Variants in DACH2 observed in about 807,000 individuals in gnomAD.
DACH2 encodes the protein dachshund family transcription factor 2.
Under a neutral mutation model 35.8 loss-of-function variants are expected in DACH2, and 17 were observed. That is an observed-to-expected ratio of 0.48 (90% CI 0.33 to 0.71). The LOEUF is 0.71. Among genes scored for constraint, DACH2 ranks in the 30% least tolerant of loss-of-function variants. The probability of loss-of-function intolerance (pLI) is 0.02; values close to 1 mark genes in which losing one functional copy is unlikely to be tolerated. For synonymous variants in DACH2, 195 were observed against 177.3 expected, an observed-to-expected ratio of 1.10 and a Z score of -0.79; for missense variants, 469 against 472.7, an observed-to-expected ratio of 0.99 and a Z score of 0.07.
intron 1 of DACH2, among the ~76,000 whole-genome samples, chrX:86,337,517 A>G (rs1168824239): frequency 9.0e-6 from 1 of 111,669 alleles, no homozygotes; most frequent in African/African-American, 3.3e-5. Context: ...CTTCACAGAC[A>G]AGCAAACACC....
chrX:86,373,946 G>A (rs1455047590), intron 1 of DACH2, among the ~76,000 whole-genome samples: 1 of 110,977 alleles, frequency 9.0e-6, no homozygotes, highest in Non-Finnish European at 1.9e-5. Context: ...CTTCACATCA[G>A]AGGCTGAACA....
intron 7 of DACH2, 24 bp downstream of exon 7, chrX:86,739,906 T>A (rs766634435): frequency 8.6e-7 from 1 of 1,163,905 alleles, no homozygotes; most frequent in Admixed American, 2.6e-5. Flanking sequence ...CTGAAACAGG[T>A]AATTGGAAAA....
At chrX:86,191,567 C>A (rs981851607) in intron 1 of DACH2, among the ~76,000 whole-genome samples, 1 of 110,948 alleles carries the variant, frequency 9.0e-6, no homozygotes, top group Non-Finnish European at 1.9e-5. Flanking sequence ...TACACCAAAC[C>A]CCTGTGACCT....
chrX:86,771,624 GA>G (rs1468554440), intron 7 of DACH2, among the ~76,000 whole-genome samples: 1 of 111,965 alleles, frequency 8.9e-6, no homozygotes, highest in East Asian at 2.8e-4. Context: ...AAGAGTGAAT[GA>G]AGACTGACAC....
chrX:86,737,724 G>T (rs1006389626), intron 6 of DACH2, among the ~76,000 whole-genome samples: 3 of 111,518 alleles, frequency 2.7e-5, no homozygotes, highest in African/African-American at 6.5e-5. Flanking sequence ...CTCCAGAGAA[G>T]AATCTGTTAT....
rs375772459 is a variant in DACH2 at position 86,676,216 on chromosome X, A to T, written c.773-18805A>T. Among the ~76,000 whole-genome samples the T allele has an allele frequency of 2.5e-4, 28 of 112,267 alleles. No homozygotes were observed. The East Asian group carries it at 3.4e-3, about 13-fold the overall frequency. On this transcript the variant is annotated intron_variant, in intron 4 of 11. Transcript: ENST00000373125. ...GGAAATTGTGGGTAAAATAGCAGAT[A>T]TTTAGCTGAAGAATAACCTTTTCTA...
intron 3 of DACH2, among the ~76,000 whole-genome samples, chrX:86,543,900 G>T (rs1323045009): frequency 7.5e-5 from 8 of 106,898 alleles, no homozygotes; most frequent in Non-Finnish European, 3.9e-5. Flanking sequence ...ACGAGTTAGT[G>T]GGTGCAGCGC....
intron 7 of DACH2, among the ~76,000 whole-genome samples, chrX:86,783,424 AAAG>A (rs1043225047): frequency 8.9e-6 from 1 of 112,100 alleles, no homozygotes; most frequent in Non-Finnish European, 1.9e-5. Context: ...TATATACCCA[AAAG>A]AAATGAATCC....
chrX:86,313,189 A>C (rs1334191005), intron 1 of DACH2, among the ~76,000 whole-genome samples: 1 of 111,350 alleles, frequency 9.0e-6, no homozygotes, highest in Non-Finnish European at 1.9e-5. Flanking sequence ...AATAATTTAA[A>C]AACTCATATT....
At position 86,757,752 on chromosome X, in the gene DACH2, A is replaced by G. The variant is rs754504679; in HGVS notation, c.1240+17870A>G. Among the ~76,000 whole-genome samples the G allele has an allele frequency of 1.3e-4, 15 of 111,871 alleles. 1 individual carries two copies. The South Asian group carries it at 4.8e-3, about 36-fold the overall frequency. On this transcript the variant is annotated intron_variant, in intron 7 of 11. Transcript: ENST00000373125. ...CCTCCTCCTGCTCCAGCCACGTAGG[A>G]CGTGCTGCTTCCTCTTAGCCTTCCA...
At position 86,832,092 on chromosome X, in the gene DACH2, T is replaced by C. The variant is rs201453791; in HGVS notation, c.1751-14T>C. ...ACTCTTCATAAGAACTAACTTGTTT[T>C]CTTTTTTTTTAAGGAGGTAACTATT... On this transcript the variant is annotated splice_polypyrimidine_tract_variant and intron_variant, in intron 11 of 11. Coordinates refer to ENST00000373125, the MANE Select transcript of DACH2 (RefSeq NM_053281.3). 6.0e-4 allele frequency: 683 copies of C among 1,146,587 alleles called. No homozygotes were observed. Among genetic ancestry groups the C allele is most frequent in the Non-Finnish European group, 7.6e-4 (642 of 842,364 alleles). The allele number at this position is 1,146,587 out of a possible 1,213,427, so 94.5% of individuals were successfully genotyped here. A position where few individuals can be genotyped will look rare whatever the true frequency, so the allele number is the denominator to read the frequency against.
chrX:86,212,439 A>C (rs2032466270), intron 1 of DACH2, among the ~76,000 whole-genome samples: 1 of 111,320 alleles, frequency 9.0e-6, no homozygotes, highest in Non-Finnish European at 1.9e-5. Flanking sequence ...ATGACCTAAC[A>C]AGCACTTTAA....
At chrX:86,816,801 T>G (rs2042458117) in intron 11 of DACH2, among the ~76,000 whole-genome samples, 1 of 112,322 alleles carries the variant, frequency 8.9e-6, no homozygotes, top group Non-Finnish European at 1.9e-5. Flanking sequence ...AATGCACTTC[T>G]AGACCTTTGC....
At chrX:86,572,199 A>C (rs1442899332) in intron 3 of DACH2, among the ~76,000 whole-genome samples, 1 of 111,120 alleles carries the variant, frequency 9.0e-6, no homozygotes, top group Non-Finnish European at 1.9e-5. Flanking sequence ...ATATGTAACA[A>C]ACCTGCACGT....
intron 7 of DACH2, among the ~76,000 whole-genome samples, chrX:86,755,265 TTTA>T (rs2041815791): frequency 9.0e-6 from 1 of 111,668 alleles, no homozygotes; most frequent in Non-Finnish European, 1.9e-5. Flanking sequence ...TAACATGATA[TTTA>T]TTATTATTTA....
intron 2 of DACH2, among the ~76,000 whole-genome samples, chrX:86,450,466 C>T (rs112440217): frequency 9.0e-6 from 1 of 111,084 alleles, no homozygotes; most frequent in Non-Finnish European, 1.9e-5. Flanking sequence ...TTTATCCAGT[C>T]TATCATTGAT....
intron 1 of DACH2, among the ~76,000 whole-genome samples, chrX:86,337,785 AAGACCCATCAGTGTGCTGTATTCAGG>A (rs1165102090): frequency 8.9e-6 from 1 of 112,043 alleles, no homozygotes; most frequent in African/African-American, 3.2e-5. Flanking sequence ...ATAAAGAGTC[AAGACCCATCAGTGTGCTGTATTCAGG>A]AGACCCATCT....
At chrX:86,787,557 G>T (rs1224042626) in intron 7 of DACH2, among the ~76,000 whole-genome samples, 1 of 107,010 alleles carries the variant, frequency 9.3e-6, no homozygotes, top group Admixed American at 1.0e-4. Context: ...GGCGGAGGTT[G>T]CAGTGAGCCG....
chrX:86,811,839 C>T (rs1355103568), intron 7 of DACH2, among the ~76,000 whole-genome samples: 1 of 111,644 alleles, frequency 9.0e-6, no homozygotes, highest in African/African-American at 3.3e-5. Flanking sequence ...GGAGGGGATT[C>T]CCTTTATAAT....
Sources: gnomAD v4.1 joint callset for allele counts (sites outside exome capture counted in the v4.1 genomes callset) on GRCh38, gnomAD v4.1.1 for gene constraint, MANE v1.5 for transcripts, NCBI Gene and HGNC (gene_info 2026-07-23, HGNC 2026-07-21) for gene names.